MTRR: variants seen among roughly 807,000 people sequenced by gnomAD.
MTRR encodes the protein 5-methyltetrahydrofolate-homocysteine methyltransferase reductase, also known as methionine synthase reductase.
A neutral mutation model predicts 79.2 loss-of-function variants in MTRR; 63 were observed. The ratio of observed to expected loss-of-function variants is 0.80; its 90% CI spans 0.65 to 0.98. The LOEUF (loss-of-function observed/expected upper bound fraction) is 0.98, where lower values mean the gene tolerates loss of function less well. MTRR is among the 50% of genes least tolerant of loss of function. The probability of loss-of-function intolerance (pLI) is 0.00; values close to 1 mark genes in which losing one functional copy is unlikely to be tolerated. For synonymous variants in MTRR, 355 were observed against 313.3 expected (o/e 1.13, Z -1.41); for missense variants, 895 against 839.6 (o/e 1.07, Z -0.82).
intron 14 of MTRR, 60 bp from the exon 15 acceptor site, chr5:7,899,854 A>C: frequency 6.3e-7 from 1 of 1,593,522 alleles, no homozygotes. Flanking sequence ...CTTGTGAATT[A>C]AGGAGGATTT....
chr5:7,882,975 G>A (rs188945946), intron 5 of MTRR, among the ~76,000 whole-genome samples, 180 bp from the exon 6 acceptor site: 1 of 152,276 alleles, frequency 6.6e-6, no homozygotes, highest in East Asian at 1.9e-4. Context: ...GTTTGAGATA[G>A]AATTGAGCTT....
In MTRR at chr5:7,899,796, G is replaced by C. The variant is rs10520874; in HGVS notation, c.1953-118G>C. Reference sequence around the variant, plus strand: ...CTGGGAGATCTGTGTGAGATGTTCTGAGAAGACGGAGGGAAGAACTATGGT... The same window carrying C: ...CTGGGAGATCTGTGTGAGATGTTCTCAGAAGACGGAGGGAAGAACTATGGT... On this transcript the variant is annotated intron_variant, in intron 14 of 14. Coordinates refer to ENST00000440940, the MANE Select transcript of MTRR (RefSeq NM_002454.3). 165,086 of 1,331,620 alleles carry C rather than the reference G, an allele frequency of 0.12. 13,989 individuals carry two copies. The highest frequency in any genetic ancestry group is 0.32 in the Admixed American group (19,087 of 59,060). The allele number at this position is 1,331,620 out of a possible 1,614,324, so 82.5% of individuals were successfully genotyped here. A position where few individuals can be genotyped will look rare whatever the true frequency, so the allele number is the denominator to read the frequency against.
At chr5:7,897,757 A>G (rs1343275665) in intron 14 of MTRR, among the ~76,000 whole-genome samples, 1 of 152,232 alleles carries the variant, frequency 6.6e-6, no homozygotes, top group Non-Finnish European at 1.5e-5. Context: ...GATCTGTTAC[A>G]GGAACCCATA....
chr5:7,887,793 CATATATATATATATAT>C lies in MTRR; in HGVS notation c.1146+1113_1146+1128del, dbSNP rs372829698. 2.4e-3 allele frequency among the ~76,000 whole-genome samples: 220 copies of C among 92,000 alleles called. 4 individuals carry two copies. Among genetic ancestry groups the C allele is most frequent in the Middle Eastern group, 7.6e-3 (1 of 132 alleles). 60.4% of individuals were successfully genotyped at this position (92,000 alleles called of 152,430 possible). On this transcript the variant is annotated intron_variant, in intron 8 of 14. Transcript: ENST00000440940. Reference sequence around the variant, plus strand: ...GTATATATTTGTGTGTGTGTGTGTGCATATATATATATATATATATATATATATATATATATATGGG... The same window carrying C: ...GTATATATTTGTGTGTGTGTGTGTGCATATATATATATATATATATATGGG...
intron 8 of MTRR, among the ~76,000 whole-genome samples, chr5:7,887,936 TTTTG>T (rs2126763863): frequency 6.6e-6 from 1 of 151,140 alleles, no homozygotes; most frequent in East Asian, 1.9e-4. Flanking sequence ...AACACTTGAA[TTTTG>T]TTTTCCTGAG....
chr5:7,899,860 G>T, intron 14 of MTRR, 54 bp from the exon 15 acceptor site: 1 of 1,604,984 alleles, frequency 6.2e-7, no homozygotes. Context: ...AATTAAGGAG[G>T]ATTTACTAAA....
rs1747653617 is a variant in MTRR at position 7,870,070 on chromosome 5, G to C, written c.-25-700G>C. 7.1e-6 allele frequency: 7 copies of C among 985,148 alleles called. No homozygotes were observed. The South Asian group carries it at 2.3e-4, about 33-fold the overall frequency. 61.0% of individuals were successfully genotyped at this position (985,148 alleles called of 1,614,324 possible). A position where few individuals can be genotyped will look rare whatever the true frequency, so the allele number is the denominator to read the frequency against. On this transcript the variant is annotated intron_variant, in intron 1 of 14. Coordinates refer to ENST00000440940, the MANE Select transcript of MTRR (RefSeq NM_002454.3). ...GGAAAAAAATCTGTGAGTGTCGTTTGTTTTACTACTGCTTATCTCTTGCGG... is the reference window on the plus strand; with the variant it reads ...GGAAAAAAATCTGTGAGTGTCGTTTCTTTTACTACTGCTTATCTCTTGCGG...
chr5:7,887,566 T>TTATA (rs532744558), intron 8 of MTRR, among the ~76,000 whole-genome samples: 4 of 146,510 alleles, frequency 2.7e-5, no homozygotes, highest in African/African-American at 7.4e-5. Context: ...ATATATAGAT[T>TTATA]TATATATATA....
chr5:7,898,043 A>G (rs1738832839), intron 14 of MTRR, among the ~76,000 whole-genome samples: 1 of 152,214 alleles, frequency 6.6e-6, no homozygotes, highest in African/African-American at 2.4e-5. Context: ...TTTATAACAC[A>G]TTCTGATCAT....
intron 10 of MTRR, 30 bp from the exon 11 acceptor site, chr5:7,892,697 A>G: frequency 6.2e-7 from 1 of 1,611,120 alleles, no homozygotes; most frequent in Non-Finnish European, 8.5e-7. Flanking sequence ...ACTGATATCG[A>G]GTTCAAAACT....
chr5:7,875,485 A>C, intron 4 of MTRR, 110 bp downstream of exon 4: 1 of 1,022,890 alleles, frequency 9.8e-7, no homozygotes, highest in South Asian at 1.3e-5. Flanking sequence ...CTCATGTTTT[A>C]CTTTTGTTCG....
At chr5:7,874,985 C>T (rs1748627224) in intron 3 of MTRR, among the ~76,000 whole-genome samples, 1 of 152,182 alleles carries the variant, frequency 6.6e-6, no homozygotes, top group Non-Finnish European at 1.5e-5. Flanking sequence ...TATTTTTACA[C>T]ATAGTCATGG....
intron 14 of MTRR, among the ~76,000 whole-genome samples, chr5:7,897,612 ATAAG>A (rs1048571660): frequency 2.0e-5 from 3 of 152,200 alleles, no homozygotes; most frequent in Non-Finnish European, 4.4e-5. Flanking sequence ...TGAACTATTG[ATAAG>A]TAAGAAAGAA....
At chr5:7,858,152 G>A (rs1203739290) in intron 1 of MTRR, among the ~76,000 whole-genome samples, 1 of 152,102 alleles carries the variant, frequency 6.6e-6, no homozygotes, top group Non-Finnish European at 1.5e-5. Context: ...GTGGACCAGA[G>A]GCCAGGGAGG....
At position 7,899,959 on chromosome 5, in the gene MTRR, A is replaced by G. The variant is rs767507060; in HGVS notation, c.1998A>G (p.Gln666=). Residue 666 remains glutamine (Q), a synonymous_variant, in exon 15 of 15, where the codon CAA becomes CAG. Transcript: ENST00000440940. Reference sequence around the variant, plus strand: ...AGGATGTACATGATGCCCTTGTGCAAATAATAAGCAAAGAGGTTGGAGTTG... The same window carrying G: ...AGGATGTACATGATGCCCTTGTGCAGATAATAAGCAAAGAGGTTGGAGTTG... ...MAKDVHDALV[Q]IISKEVGVEK... is the part of the protein sequence containing the mutation. 6 of 1,614,086 alleles carry G rather than the reference A, an allele frequency of 3.7e-6. 1 individual carries two copies. In the Middle Eastern group the frequency reaches 6.6e-4, roughly 177 times the overall value.
intron 4 of MTRR, among the ~76,000 whole-genome samples, chr5:7,876,980 A>G (rs1734669619): frequency 6.6e-6 from 1 of 152,222 alleles, no homozygotes; most frequent in African/African-American, 2.4e-5. Context: ...TTGTTTTCAC[A>G]AAGGCTCCTC....
intron 1 of MTRR, 74 bp from the exon 2 acceptor site, chr5:7,870,696 A>T: frequency 1.3e-6 from 2 of 1,508,838 alleles, no homozygotes; most frequent in South Asian, 2.3e-5. Flanking sequence ...TTTCTTAAAG[A>T]TTGAGGGAGA....
At chr5:7,890,175 G>A in intron 9 of MTRR, 1 of 811,522 alleles carries the variant, frequency 1.2e-6, no homozygotes, top group Non-Finnish European at 1.5e-6. Flanking sequence ...TTACTCTTGG[G>A]CCAGCAAGAT....
At chr5:7,874,402 T>A (rs189938646) in intron 3 of MTRR, among the ~76,000 whole-genome samples, 30 of 152,178 alleles carry the variant, frequency 2.0e-4, no homozygotes, top group African/African-American at 6.5e-4. Context: ...TTTTTTTACC[T>A]TAAGTTTTTA....
Sources: gnomAD v4.1 joint callset for allele counts (sites outside exome capture counted in the v4.1 genomes callset) on GRCh38, gnomAD v4.1.1 for gene constraint, MANE v1.5 for transcripts, NCBI Gene and HGNC (gene_info 2026-07-23, HGNC 2026-07-21) for gene names.